The following KMT2C variants were observed in gnomAD, a reference collection of about 807,000 sequenced individuals.
KMT2C encodes the protein lysine methyltransferase 2C, also known as histone-lysine N-methyltransferase 2C.
A neutral mutation model predicts 507.9 loss-of-function variants in KMT2C; 88 were observed. The observed-to-expected ratio is 0.17, with a 90% CI of 0.15 to 0.21. The LOEUF is 0.21. KMT2C is among the 10% of genes least tolerant of loss of function. The pLI, the probability that KMT2C is intolerant of heterozygous loss-of-function variation, is 1.00. For synonymous variants in KMT2C, 2,049 were observed against 2,080.8 expected (o/e 0.98, Z 0.42); for missense variants, 4,954 against 5,957.8 (o/e 0.83, Z 5.55).
chr7:152,270,458 T>C (rs373836242), intron 7 of KMT2C, among the ~76,000 whole-genome samples: 3 of 152,126 alleles, frequency 2.0e-5, no homozygotes, highest in African/African-American at 4.8e-5. Context: ...GCAGACCGAA[T>C]AGAACCCAAA....
intron 13 of KMT2C, among the ~76,000 whole-genome samples, chr7:152,249,253 A>C (rs959189084): frequency 7.2e-5 from 11 of 151,976 alleles, no homozygotes; most frequent in African/African-American, 2.7e-4. Context: ...TCATCAAGGT[A>C]ATTTTTAAGT....
At position 152,183,051 on chromosome 7, in the gene KMT2C, G is replaced by A. The variant is rs910241185; in HGVS notation, c.5188C>T (p.Arg1730Cys). 1.2e-5 allele frequency: 19 copies of A among 1,612,356 alleles called. No individual in the cohort carries two copies. The highest frequency in any genetic ancestry group is 3.3e-5 in the Admixed American group (2 of 59,786). Residue 1730 changes from arginine to cysteine, a missense_variant, in exon 35 of 59, where the codon CGT (arginine) becomes TGT (cysteine). By Grantham distance (180) the Arg-to-Cys change is radical. This residue lies in a region of KMT2C where 58 missense variants were observed against 63.3 expected (regional missense o/e 0.92). Transcript: ENST00000262189. ...QQQDSIDPSS[R>C]IDSELFKDPL... ...TCTTTAAAAAGCTCCGAATCAATAC[G>A]AGAGCTGGGATCAATGCTATCTTGC...
chr7:152,177,544 G>T lies in KMT2C; in HGVS notation c.7909C>A (p.His2637Asn), dbSNP rs1056648760. ...ACCATAGAAGATGAATGGACAGAATGACCTTGCTCTTGTTGAGATGGTGGC... is the reference window on the plus strand; with the variant it reads ...ACCATAGAAGATGAATGGACAGAATTACCTTGCTCTTGTTGAGATGGTGGC... ...QVPPSQQEQG[H>N]SVHSSSMVMR... The change falls in exon 38 of 59, where the codon CAT (histidine) becomes AAT (asparagine). Residue 2637 changes from histidine to asparagine, a missense_variant. His to Asn is a moderately conservative substitution (Grantham distance 68, BLOSUM62 1). Transcript: ENST00000262189. 1 of 1,614,212 alleles carries T rather than the reference G, an allele frequency of 6.2e-7. No individual in the cohort carries two copies. The highest frequency in any genetic ancestry group is 8.5e-7 in the Non-Finnish European group (1 of 1,180,036).
In KMT2C at chr7:152,146,845, C is replaced by A. The variant is rs117508096; in HGVS notation, c.13895-110G>T. On this transcript the variant is annotated intron_variant, in intron 52 of 58. Transcript: ENST00000262189. ...AGGATTTACTAATTTCCAAATAAAT[C>A]CTGTTGGGCAATAATCTAATAAATC... 6.7e-4 allele frequency: 633 copies of A among 948,098 alleles called. 6 individuals carry two copies. In the East Asian group the frequency reaches 0.014, roughly 20 times the overall value. 58.7% of individuals were successfully genotyped at this position (948,098 alleles called of 1,614,324 possible).
In KMT2C at chr7:152,194,566, T is replaced by C; in HGVS notation, c.4381A>G (p.Ile1461Val). Residue 1461 changes from isoleucine (I) to valine (V), a missense_variant and splice_region_variant, in exon 29 of 59, where the codon ATT becomes GTT. Around this residue, in one of 29 missense-constraint regions of KMT2C, gnomAD observed 140 missense variants for 118.4 expected, o/e 1.18. Transcript: ENST00000262189. The stretch of plus-strand genomic sequence containing the variant: ...GAAGGATCATCAGTGACAGGACCAA[T>C]ATCTACAAGAGTAAGGAAAATAAAT... ...DLAKSVDHSD[I>V]GPVTDDPSSL... 6.2e-7 allele frequency: 1 copy of C among 1,611,822 alleles called. No individual in the cohort carries two copies. The highest frequency in any genetic ancestry group is 1.3e-5 in the African/African-American group (1 of 74,978).
At chr7:152,435,318 C>T (rs2116818095) in intron 1 of KMT2C, among the ~76,000 whole-genome samples, 1 of 152,124 alleles carries the variant, frequency 6.6e-6, no homozygotes, top group South Asian at 2.1e-4. Context: ...GACGCGGCTA[C>T]GAGAAATTTC....
chr7:152,174,571 T>C (rs111466125), intron 38 of KMT2C, among the ~76,000 whole-genome samples: 6 of 152,242 alleles, frequency 3.9e-5, no homozygotes, highest in South Asian at 2.1e-4. Flanking sequence ...ACATCACAAA[T>C]AAGAATTTGC....
chr7:152,210,175 C>T (rs2094421104), intron 23 of KMT2C, among the ~76,000 whole-genome samples: 1 of 152,136 alleles, frequency 6.6e-6, no homozygotes, highest in South Asian at 2.1e-4. Flanking sequence ...CTCTAGCCTC[C>T]AAGTATGAGG....
intron 8 of KMT2C, among the ~76,000 whole-genome samples, chr7:152,263,780 C>G (rs79733389): frequency 6.6e-6 from 1 of 152,160 alleles, no homozygotes; most frequent in Non-Finnish European, 1.5e-5. Context: ...AAATCTTTCT[C>G]TAAACACTCT....
At chr7:152,333,256 C>CA (rs2096900968) in intron 2 of KMT2C, among the ~76,000 whole-genome samples, 1 of 152,054 alleles carries the variant, frequency 6.6e-6, no homozygotes, top group African/African-American at 2.4e-5. Context: ...CTCAGCCTCC[C>CA]AAGCAGCTGG....
chr7:152,166,376 C>A (rs913573715), intron 42 of KMT2C, among the ~76,000 whole-genome samples: 1 of 152,134 alleles, frequency 6.6e-6, no homozygotes, highest in African/African-American at 2.4e-5. Context: ...CCCACCTCGG[C>A]CTCCCAAAGT....
intron 4 of KMT2C, 111 bp downstream of exon 4, chr7:152,315,027 G>T: frequency 2.3e-6 from 2 of 875,184 alleles, no homozygotes; most frequent in Non-Finnish European, 1.8e-6. Flanking sequence ...TGGAGAACAG[G>T]AGAAACTGTT....
chr7:152,391,018 G>A (rs113640487), intron 1 of KMT2C, among the ~76,000 whole-genome samples: 5 of 148,562 alleles, frequency 3.4e-5, no homozygotes, highest in East Asian at 4.1e-4. Flanking sequence ...GGTGGCAGGC[G>A]CCTGTAATCC....
chr7:152,327,323 G>A (rs1021908433), intron 3 of KMT2C, among the ~76,000 whole-genome samples: 1 of 152,150 alleles, frequency 6.6e-6, no homozygotes. Context: ...GACTAACAGT[G>A]ACAGTGTGCT....
chr7:152,421,252 T>A (rs891958043), intron 1 of KMT2C, among the ~76,000 whole-genome samples: 2 of 152,080 alleles, frequency 1.3e-5, no homozygotes, highest in African/African-American at 4.8e-5. Context: ...AAAAAACATG[T>A]TGGCAAGGTT....
chr7:152,429,413 A>G (rs573878028), intron 1 of KMT2C, among the ~76,000 whole-genome samples: 4 of 152,328 alleles, frequency 2.6e-5, no homozygotes, highest in African/African-American at 9.6e-5. Context: ...ACAAAGTGCA[A>G]AAAGAGCTGT....
intron 3 of KMT2C, among the ~76,000 whole-genome samples, chr7:152,328,354 G>A (rs569952697): frequency 6.6e-6 from 1 of 152,242 alleles, no homozygotes; most frequent in East Asian, 1.9e-4. Context: ...TTCAGAGGAG[G>A]CTAGTATTAT....
intron 16 of KMT2C, among the ~76,000 whole-genome samples, chr7:152,234,369 C>T (rs112770450): frequency 3.3e-5 from 5 of 150,956 alleles, no homozygotes; most frequent in African/African-American, 4.9e-5. Context: ...GCAACAAGAG[C>T]GAAACTCTAT....
chr7:152,232,835 T>C (rs1173084888), intron 16 of KMT2C, among the ~76,000 whole-genome samples: 2 of 152,166 alleles, frequency 1.3e-5, no homozygotes, highest in East Asian at 1.9e-4. Context: ...TAATGATGCA[T>C]TGACAAGACT....
Sources: allele counts gnomAD v4.1 joint callset (sites outside exome capture counted in the v4.1 genomes callset), GRCh38; gene constraint gnomAD v4.1.1; regional missense constraint gnomAD v4.1.1; transcripts MANE v1.5; gene names NCBI Gene and HGNC (gene_info 2026-07-23, HGNC 2026-07-21).